The following TRPA1 variants were observed in gnomAD, a reference collection of about 807,000 sequenced individuals.
The protein encoded by TRPA1 is transient receptor potential cation channel subfamily A member 1, also known as ankyrin-like with transmembrane domains 1.
TRPA1 carries 129 observed loss-of-function variants against 131.3 expected under a neutral mutation model. The ratio of observed to expected loss-of-function variants is 0.98; its 90% CI spans 0.85 to 1.14. TRPA1 has a LOEUF of 1.14. Among genes scored for constraint, TRPA1 ranks in the 50% most tolerant of loss-of-function variants. TRPA1 has a pLI of 0.00. For missense variants in TRPA1, 1,304 were observed against 1,354.2 expected (o/e 0.96, Z 0.58); for synonymous variants, 441 against 451.7 (o/e 0.98, Z 0.30).
At chr8:72,026,480 A>C (rs956216411) in intron 24 of TRPA1, among the ~76,000 whole-genome samples, 1 of 152,236 alleles carries the variant, frequency 6.6e-6, no homozygotes, top group African/African-American at 2.4e-5. Flanking sequence ...GACAGTGTGA[A>C]TGCGTGTGTG....
intron 3 of TRPA1, among the ~76,000 whole-genome samples, chr8:72,067,210 T>G (rs1805952869): frequency 1.3e-5 from 2 of 152,074 alleles, no homozygotes; most frequent in Non-Finnish European, 2.9e-5. Context: ...GGCTGGGTGT[T>G]TACAGGCCGG....
At position 72,052,690 on chromosome 8, in the gene TRPA1, T is replaced by C. The variant is rs1188895607; in HGVS notation, c.1720A>G (p.Ile574Val). Residue 574 changes from isoleucine (I) to valine (V), a missense_variant, in exon 14 of 27, where the codon ATA becomes GTA. Ile to Val is a conservative substitution (Grantham distance 29). Transcript: ENST00000262209. ...VALLLSHNAD[I>V]VLNKQQASFL... ...GAGGCCTGCTGCTTGTTCAGGACTA[T>C]GTCAGCATTGTGGCTCAGAAGAAGC... is the stretch of plus-strand genomic sequence containing the variant. 6.2e-6 allele frequency: 10 copies of C among 1,613,780 alleles called. No homozygotes were observed. The highest frequency in any genetic ancestry group is 2.2e-5 in the South Asian group (2 of 91,080).
intron 15 of TRPA1, among the ~76,000 whole-genome samples, chr8:72,048,305 C>T (rs745719775): frequency 6.6e-6 from 1 of 152,014 alleles, no homozygotes; most frequent in African/African-American, 2.4e-5. Context: ...CCCATATGGC[C>T]CCATCAATGC....
rs1806065114 is a variant in TRPA1 at position 72,071,715 on chromosome 8, CAAAGAG to C, written c.258_263del (p.Ser87_Leu88del). The C allele has an allele frequency of 1.9e-6, 3 of 1,613,590 alleles. No individual in the cohort carries two copies. In the East Asian group the frequency reaches 6.7e-5, roughly 36 times the overall value. Reference sequence around the variant, plus strand: ...TGAATTGTAATATTTTGTTACCTTCCAAAGAGGAATCTCTGGTGATCTTCTCCATTA... The same window carrying C: ...TGAATTGTAATATTTTGTTACCTTCCGAATCTCTGGTGATCTTCTCCATTA... On this transcript the variant is annotated inframe_deletion, in exon 2 of 27. Coordinates refer to ENST00000262209, the MANE Select transcript of TRPA1 (RefSeq NM_007332.3).
intron 2 of TRPA1, among the ~76,000 whole-genome samples, chr8:72,071,356 C>G (rs1300382922): frequency 1.3e-5 from 2 of 152,092 alleles, no homozygotes; most frequent in African/African-American, 4.8e-5. Context: ...GTATGGTACA[C>G]CTTCTTGAGG....
Position 72,021,546 on chromosome 8 carries a change from G to C in TRPA1, c.*1360C>G, listed in dbSNP as rs1811391508. 1 of 152,152 alleles carries C rather than the reference G, an allele frequency of 6.6e-6. No homozygotes were observed. The highest frequency in any genetic ancestry group is 2.4e-5 in the African/African-American group (1 of 41,434). 9.4% of individuals were successfully genotyped at this position (152,152 alleles called of 1,614,324 possible). A position where few individuals can be genotyped will look rare whatever the true frequency, so the allele number is the denominator to read the frequency against. Reference sequence around the variant, plus strand: ...TTGCCTCTAGGCCATGTGATCTGTTGGACCATGAATGTAAAAGTGTCTGGT... The same window carrying C: ...TTGCCTCTAGGCCATGTGATCTGTTCGACCATGAATGTAAAAGTGTCTGGT... On this transcript the variant is annotated 3_prime_UTR_variant, in exon 27 of 27. Transcript: ENST00000262209.
At chr8:72,025,084 T>C (rs1191615511) in intron 25 of TRPA1, among the ~76,000 whole-genome samples, 1 of 147,236 alleles carries the variant, frequency 6.8e-6, no homozygotes, top group Non-Finnish European at 1.5e-5. Flanking sequence ...TTTTCTATAG[T>C]GGATGCTGTG....
chr8:72,029,552 T>G (rs755509086), intron 24 of TRPA1, among the ~76,000 whole-genome samples: 2 of 152,350 alleles, frequency 1.3e-5, no homozygotes, highest in East Asian at 1.9e-4. Flanking sequence ...ATAAACGTGA[T>G]GCAGACAATA....
At chr8:72,078,800 T>A (rs1386157053), upstream of TRPA1, among the ~76,000 whole-genome samples, 2 of 152,082 alleles carry the variant, frequency 1.3e-5, no homozygotes, top group Admixed American at 1.3e-4. Context: ...AGTAATGTGA[T>A]AAGTATGTGT....
rs1811404498 is a variant in TRPA1, at chr8:72,021,890, A to G, written c.*1016T>C. ...AAGCAAAAACAGAAATAGAAGCTAT[A>G]GCATAATAACATCTGTGTAAATAAT... On this transcript the variant is annotated 3_prime_UTR_variant, in exon 27 of 27. Coordinates refer to ENST00000262209, the MANE Select transcript of TRPA1 (RefSeq NM_007332.3). 1 of 152,236 alleles carries G rather than the reference A, an allele frequency of 6.6e-6. No homozygotes were observed. Among genetic ancestry groups the G allele is most frequent in the Admixed American group, 6.5e-5 (1 of 15,288 alleles). The allele number at this position is 152,236 out of a possible 1,614,324, so 9.4% of individuals were successfully genotyped here.
chr8:72,026,004 T>C lies in TRPA1; in HGVS notation c.3007A>G (p.Thr1003Ala). Residue 1003 changes from threonine (T) to alanine (A), a missense_variant, in exon 25 of 27, where the codon ACC becomes GCC. By Grantham distance (58) the Thr-to-Ala change is moderately conservative. Coordinates refer to ENST00000262209, the MANE Select transcript of TRPA1 (RefSeq NM_007332.3). ...WFLRKVDQKS[T>A]IVYPNKPRSG... Reference sequence around the variant, plus strand: ...CTGGGTTTGTTGGGATACACGATGGTGGATTTCTGATCCACTTTGCGTAGA... The same window carrying C: ...CTGGGTTTGTTGGGATACACGATGGCGGATTTCTGATCCACTTTGCGTAGA... The C allele has an allele frequency of 2.5e-6, 4 of 1,614,002 alleles. No individual in the cohort carries two copies. The East Asian group carries it at 6.7e-5, about 27-fold the overall frequency.
chr8:72,061,331 C>T (rs543418396), intron 7 of TRPA1, among the ~76,000 whole-genome samples: 39 of 152,070 alleles, frequency 2.6e-4, no homozygotes, highest in Non-Finnish European at 3.4e-4. Flanking sequence ...CTTGGAAGAC[C>T]GTGTATGTAG....
intron 24 of TRPA1, among the ~76,000 whole-genome samples, chr8:72,028,678 A>C (rs1353532687): frequency 6.6e-6 from 1 of 152,230 alleles, no homozygotes; most frequent in Non-Finnish European, 1.5e-5. Context: ...AATTCTATGA[A>C]TACCTAGCTG....
the TRPA1 span, among the ~76,000 whole-genome samples, chr8:72,084,841 G>C: frequency 2.0e-5 from 3 of 151,588 alleles, no homozygotes; most frequent in African/African-American, 7.3e-5. Flanking sequence ...TAGGAGAGAC[G>C]AGGTTTCATT....
At chr8:72,089,300 A>T in the TRPA1 span, among the ~76,000 whole-genome samples, 15 of 152,138 alleles carry the variant, frequency 9.9e-5, no homozygotes, top group Admixed American at 2.0e-4. Context: ...AATTTAAGGT[A>T]CTTATTAATT....
At chr8:72,037,157 T>TTAA (rs1285240583) in intron 20 of TRPA1, among the ~76,000 whole-genome samples, 1 of 152,172 alleles carries the variant, frequency 6.6e-6, no homozygotes, top group Non-Finnish European at 1.5e-5. Context: ...GACAAATTTC[T>TTAA]TAATGTACCT....
At chr8:72,066,215 C>T (rs1457639243) in intron 3 of TRPA1, among the ~76,000 whole-genome samples, 3 of 152,168 alleles carry the variant, frequency 2.0e-5, no homozygotes, top group African/African-American at 7.2e-5. Context: ...GATGGAATTT[C>T]ATTGAAGATC....
intron 23 of TRPA1, among the ~76,000 whole-genome samples, chr8:72,030,780 T>A (rs758124726): frequency 2.6e-5 from 4 of 151,530 alleles, no homozygotes; most frequent in Non-Finnish European, 4.4e-5. Context: ...TTACATATGT[T>A]CAGAAGGAAA....
intron 24 of TRPA1, among the ~76,000 whole-genome samples, chr8:72,027,949 G>A (rs1811666623): frequency 6.6e-6 from 1 of 152,120 alleles, no homozygotes; most frequent in African/African-American, 2.4e-5. Flanking sequence ...TGACACTTTA[G>A]TTCAGTAAGC....
Sources: allele counts gnomAD v4.1 joint callset (sites outside exome capture counted in the v4.1 genomes callset), GRCh38; gene constraint gnomAD v4.1.1; transcripts MANE v1.5; gene names NCBI Gene and HGNC (gene_info 2026-07-23, HGNC 2026-07-21).